The following MSRA variants were observed in gnomAD, a reference collection of about 807,000 sequenced individuals.
MSRA encodes the protein methionine sulfoxide reductase A.
A neutral mutation model predicts 31.3 loss-of-function variants in MSRA; 54 were observed. The observed-to-expected ratio is 1.73, with a 90% confidence interval of 1.39 to 2.17. The LOEUF (loss-of-function observed/expected upper bound fraction) is 2.17, where lower values mean the gene tolerates loss of function less well. Ranked by LOEUF, MSRA falls within the 30% of genes most tolerant of loss-of-function variation. MSRA has a pLI of 0.00. For synonymous variants in MSRA, 169 were observed against 116.5 expected (o/e 1.45, Z -2.90); for missense variants, 507 against 300.9 (o/e 1.69, Z -5.07).
chr8:10,060,430 A>T (rs1489392298), intron 1 of MSRA, among the ~76,000 whole-genome samples: 2 of 152,230 alleles, frequency 1.3e-5, no homozygotes, highest in Admixed American at 1.3e-4. Context: ...AGAAACTTTG[A>T]AAGGATAGCT....
At chr8:10,113,370 G>A (rs1291891490) in intron 1 of MSRA, among the ~76,000 whole-genome samples, 1 of 134,860 alleles carries the variant, frequency 7.4e-6, no homozygotes, top group Non-Finnish European at 1.5e-5. Flanking sequence ...CTAAAAGAAG[G>A]GGGAAGGGAG....
intron 2 of MSRA, among the ~76,000 whole-genome samples, chr8:10,236,498 G>A (rs1209829506): frequency 6.6e-6 from 1 of 152,130 alleles, no homozygotes; most frequent in Non-Finnish European, 1.5e-5. Context: ...ATTTATAACA[G>A]CACCACAAAT....
At chr8:10,149,020 G>A (rs4841285) in intron 1 of MSRA, among the ~76,000 whole-genome samples, 136,765 of 150,628 alleles carry the variant, frequency 0.91, 62,169 homozygotes, top group East Asian at 0.97. Context: ...CAATGGTTCA[G>A]TCTTGGCTCA....
At chr8:10,294,347 G>C (rs1340904900) in intron 3 of MSRA, among the ~76,000 whole-genome samples, 2 of 152,230 alleles carry the variant, frequency 1.3e-5, no homozygotes, top group Non-Finnish European at 2.9e-5. Flanking sequence ...GGTGATACCG[G>C]CTGAGTTATT....
intron 1 of MSRA, among the ~76,000 whole-genome samples, chr8:10,108,573 CAT>C (rs1459343368): frequency 6.6e-6 from 1 of 152,174 alleles, no homozygotes; most frequent in Non-Finnish European, 1.5e-5. Flanking sequence ...AAGGCACTGT[CAT>C]ATTATTCATG....
At chr8:10,300,673 C>T (rs769274081) in intron 3 of MSRA, among the ~76,000 whole-genome samples, 1 of 152,186 alleles carries the variant, frequency 6.6e-6, no homozygotes, top group Non-Finnish European at 1.5e-5. Context: ...AGTGAACTGC[C>T]ATGCCCAGCT....
chr8:10,250,354 C>A (rs1470235285), intron 3 of MSRA: 10 of 696,124 alleles, frequency 1.4e-5, no homozygotes, highest in Non-Finnish European at 2.4e-5. Flanking sequence ...TATACAAATA[C>A]CCCATTTCTG....
chr8:10,156,981 A>T (rs1804208817), intron 1 of MSRA, among the ~76,000 whole-genome samples: 1 of 151,622 alleles, frequency 6.6e-6, no homozygotes, highest in African/African-American at 2.4e-5. Flanking sequence ...CTTTTATTTA[A>T]GTCTTCTCCA....
At chr8:10,252,116 T>A (rs554599426) in intron 3 of MSRA, among the ~76,000 whole-genome samples, 1 of 152,330 alleles carries the variant, frequency 6.6e-6, no homozygotes, top group East Asian at 1.9e-4. Flanking sequence ...GAAAAGTTAT[T>A]AAGAATGTTG....
chr8:10,077,699 G>A (rs987061475), intron 1 of MSRA, among the ~76,000 whole-genome samples: 2 of 151,602 alleles, frequency 1.3e-5, no homozygotes, highest in Non-Finnish European at 2.9e-5. Flanking sequence ...TCCCTCGCTC[G>A]CTTTCTGAGG....
intron 1 of MSRA, among the ~76,000 whole-genome samples, chr8:10,074,058 C>CTTTTTTTTTTTTTTTTTTTTT (rs534642712): frequency 1.7e-4 from 5 of 29,456 alleles, no homozygotes; most frequent in African/African-American, 3.6e-4. Context: ...AAGGGAGGTG[C>CTTTTTTTTTTTTTTTTTTTTT]TTTTTTTTTT....
chr8:10,319,752 C>G (rs1280185132), intron 4 of MSRA, 131 bp from the exon 5 acceptor site: 3 of 448,178 alleles, frequency 6.7e-6, no homozygotes, highest in Admixed American at 4.4e-5. Context: ...AAAATTAAAA[C>G]AAGCACTTAG....
intron 1 of MSRA, among the ~76,000 whole-genome samples, chr8:10,097,371 G>A (rs902167893): frequency 6.6e-6 from 1 of 152,032 alleles, no homozygotes; most frequent in Non-Finnish European, 1.5e-5. Context: ...TAAAATGGAC[G>A]CCAAGACATG....
At chr8:10,127,238 G>A (rs1585208468) in intron 1 of MSRA, among the ~76,000 whole-genome samples, 1 of 152,148 alleles carries the variant, frequency 6.6e-6, no homozygotes, top group Admixed American at 6.5e-5. Context: ...GGAACGCTAA[G>A]CATGTGGGAG....
At chr8:10,071,216 T>C (rs2128918202) in intron 1 of MSRA, among the ~76,000 whole-genome samples, 1 of 152,360 alleles carries the variant, frequency 6.6e-6, no homozygotes, top group South Asian at 2.1e-4. Flanking sequence ...TGTAGTGATA[T>C]CTCATCATGG....
intron 1 of MSRA, among the ~76,000 whole-genome samples, chr8:10,129,536 C>G (rs1272324931): frequency 6.6e-6 from 1 of 152,006 alleles, no homozygotes; most frequent in Non-Finnish European, 1.5e-5. Flanking sequence ...ACTGAGAGCA[C>G]CAAGCAGGAC....
intron 1 of MSRA, among the ~76,000 whole-genome samples, chr8:10,113,888 C>T (rs964318039): frequency 2.6e-5 from 4 of 152,044 alleles, no homozygotes; most frequent in African/African-American, 9.7e-5. Flanking sequence ...AATTGTGTGG[C>T]CATCACCACT....
chr8:10,118,572 C>G (rs1054615914), intron 1 of MSRA, among the ~76,000 whole-genome samples: 6 of 152,134 alleles, frequency 3.9e-5, no homozygotes, highest in African/African-American at 1.4e-4. Context: ...GAACCTGACC[C>G]CAAGCCATCT....
intron 3 of MSRA, among the ~76,000 whole-genome samples, chr8:10,277,549 A>G (rs995806973): frequency 4.6e-5 from 7 of 152,178 alleles, no homozygotes; most frequent in East Asian, 1.9e-4. Context: ...TCTGGTTCCA[A>G]TACAGTCGTC....
Sources: allele counts gnomAD v4.1 joint callset (sites outside exome capture counted in the v4.1 genomes callset), GRCh38; gene constraint gnomAD v4.1.1; transcripts MANE v1.5; gene names NCBI Gene and HGNC (gene_info 2026-07-23, HGNC 2026-07-21).